ZW10: variants seen among roughly 807,000 people sequenced by gnomAD.
The protein encoded by ZW10 is centromere/kinetochore protein zw10 homolog.
In ZW10, 53 loss-of-function variants were observed where a neutral mutation model predicts 87.8. That is an observed-to-expected ratio of 0.60 (90% CI 0.48 to 0.76). The LOEUF (loss-of-function observed/expected upper bound fraction) is 0.76. ZW10 is among the 30% of genes least tolerant of loss of function. The pLI is 0.00. For synonymous variants in ZW10, 312 were observed against 329.2 expected, an observed-to-expected ratio of 0.95 and a Z score of 0.57; for missense variants, 837 against 923.0, an observed-to-expected ratio of 0.91 and a Z score of 1.21.
At position 113,741,363 on chromosome 11, in the gene ZW10, A is replaced by T. The variant is rs59473232; in HGVS notation, c.1583+331T>A. 1.0e-3 allele frequency among the ~76,000 whole-genome samples: 156 copies of T among 152,330 alleles called. 1 individual carries two copies. Among genetic ancestry groups the T allele is most frequent in the African/African-American group, 3.6e-3 (151 of 41,570 alleles). On this transcript the variant is annotated intron_variant, in intron 11 of 15. Coordinates refer to ENST00000200135, the MANE Select transcript of ZW10 (RefSeq NM_004724.4). ...TCAAAGATATTTATGAAAAACATCTAAACATTTTAATTCAAATAAAGAAAA... is the reference window on the plus strand; with the variant it reads ...TCAAAGATATTTATGAAAAACATCTTAACATTTTAATTCAAATAAAGAAAA...
intron 15 of ZW10, among the ~76,000 whole-genome samples, chr11:113,734,242 C>T (rs192401469): frequency 8.5e-5 from 13 of 152,072 alleles, no homozygotes; most frequent in East Asian, 1.9e-4. Flanking sequence ...ATTAGAATAA[C>T]GGGCAAAAAA....
intron 7 of ZW10, 113 bp from the exon 8 acceptor site, chr11:113,748,533 G>A (rs1953704369): frequency 3.5e-6 from 3 of 861,448 alleles, no homozygotes; most frequent in Non-Finnish European, 5.2e-6. Flanking sequence ...AAACAGCACA[G>A]ATAATTCCAC....
chr11:113,737,472 T>C, intron 14 of ZW10, 100 bp downstream of exon 14: 5 of 1,229,790 alleles, frequency 4.1e-6, no homozygotes, highest in South Asian at 2.3e-5. Flanking sequence ...GAGTTAGACA[T>C]GAAACATGAA....
intron 7 of ZW10, among the ~76,000 whole-genome samples, chr11:113,750,390 G>A (rs1186540280): frequency 6.6e-6 from 1 of 151,298 alleles, no homozygotes; most frequent in African/African-American, 2.4e-5. Context: ...TGCAACCTCC[G>A]CCTCCTGGGT....
rs1362126341 is a variant in ZW10 at position 113,743,809 on chromosome 11, C to A, written c.1504G>T (p.Asp502Tyr). Residue 502 changes from aspartate (D) to tyrosine (Y), a missense_variant, in exon 10 of 16, where the codon GAT becomes TAT. Transcript: ENST00000200135. Reference sequence around the variant, plus strand: ...ACAACCCAGAATTCGTACCATTGATCACTACTGGTTGTTGCCTCTAGTAAA... The same window carrying A: ...ACAACCCAGAATTCGTACCATTGATAACTACTGGTTGTTGCCTCTAGTAAA... Reference protein sequence around the residue: ...QTLLEATTSSDQCAVQLFYSV... With the variant: ...QTLLEATTSSYQCAVQLFYSV... 2 of 1,612,480 alleles carry A rather than the reference C, an allele frequency of 1.2e-6. No homozygotes were observed. The highest frequency in any genetic ancestry group is 3.3e-5 in the Admixed American group (2 of 59,998).
At chr11:113,773,314 C>T (rs1937662908) in intron 1 of ZW10, among the ~76,000 whole-genome samples, 1 of 152,044 alleles carries the variant, frequency 6.6e-6, no homozygotes, top group South Asian at 2.1e-4. Context: ...TTCGTCCCCA[C>T]AGTCCCAGGT....
intron 1 of ZW10, among the ~76,000 whole-genome samples, chr11:113,773,255 C>A (rs1353521150): frequency 6.6e-6 from 1 of 151,884 alleles, no homozygotes; most frequent in Admixed American, 6.6e-5. Flanking sequence ...CCGCGGCACA[C>A]CCCTCCCCAA....
chr11:113,754,214 A>T (rs1330294917), intron 7 of ZW10, among the ~76,000 whole-genome samples: 1 of 152,142 alleles, frequency 6.6e-6, no homozygotes, highest in Admixed American at 6.6e-5. Context: ...GCCGGGTGCG[A>T]TGGCTCACAC....
chr11:113,743,832 A>G lies in ZW10; in HGVS notation c.1481T>C (p.Leu494Ser), dbSNP rs758925071. 1 of 1,614,170 alleles carries G rather than the reference A, an allele frequency of 6.2e-7. No individual in the cohort carries two copies. Among genetic ancestry groups the G allele is most frequent in the East Asian group, 2.2e-5 (1 of 44,868 alleles). ...ATCACTACTGGTTGTTGCCTCTAGT[A>G]AAGTCTGATAGGCGAGTTCCATTAA... is the stretch of plus-strand genomic sequence containing the variant. ...KKLMELAYQT[L>S]LEATTSSDQC... Residue 494 changes from leucine (L) to serine (S), a missense_variant, in exon 10 of 16, where the codon TTA becomes TCA. Coordinates refer to ENST00000200135, the MANE Select transcript of ZW10 (RefSeq NM_004724.4).
chr11:113,754,676 C>T (rs1199307272), intron 7 of ZW10, among the ~76,000 whole-genome samples: 1 of 152,234 alleles, frequency 6.6e-6, no homozygotes, highest in Non-Finnish European at 1.5e-5. Flanking sequence ...AACGTGAACA[C>T]AGCTCACTGC....
intron 9 of ZW10, 148 bp downstream of exon 9, chr11:113,747,383 A>G (rs1006516498): frequency 4.6e-6 from 3 of 655,160 alleles, no homozygotes; most frequent in Non-Finnish European, 7.5e-6. Flanking sequence ...GGACCACTTT[A>G]AAGGAGACAA....
intron 10 of ZW10, among the ~76,000 whole-genome samples, chr11:113,742,722 A>C (rs564251688): frequency 6.6e-6 from 1 of 152,320 alleles, no homozygotes; most frequent in African/African-American, 2.4e-5. Context: ...GTGAAGAAAC[A>C]GTCCTATATT....
At chr11:113,734,827 CA>C (rs1287884212) in intron 15 of ZW10, among the ~76,000 whole-genome samples, 1 of 151,116 alleles carries the variant, frequency 6.6e-6, no homozygotes, top group Non-Finnish European at 1.5e-5. Context: ...GAATAGATTT[CA>C]AAAACATAAT....
chr11:113,760,078 T>G, intron 5 of ZW10, 131 bp downstream of exon 5: 1 of 1,128,348 alleles, frequency 8.9e-7, no homozygotes, highest in East Asian at 2.6e-5. Context: ...CTTGCTAACA[T>G]GAGTGCTCAA....
intron 11 of ZW10, among the ~76,000 whole-genome samples, chr11:113,741,106 T>C (rs964027884): frequency 2.3e-5 from 3 of 130,048 alleles, no homozygotes; most frequent in Non-Finnish European, 5.6e-5. Context: ...AAAAATACTT[T>C]AAATAGTAAA....
rs1258702983 is a variant in ZW10, at chr11:113,741,683, G to C, written c.1583+11C>G. ...AATTATTATATAGAAATGAGATACA[G>C]TGGTACTTACTTGTGATATGTTGGT... On this transcript the variant is annotated intron_variant, in intron 11 of 15. Coordinates refer to ENST00000200135, the MANE Select transcript of ZW10 (RefSeq NM_004724.4). 1 of 1,558,792 alleles carries C rather than the reference G, an allele frequency of 6.4e-7. No individual in the cohort carries two copies. The highest frequency in any genetic ancestry group is 8.7e-7 in the Non-Finnish European group (1 of 1,143,830).
chr11:113,762,567 G>T (rs567569454), intron 2 of ZW10, among the ~76,000 whole-genome samples: 2 of 151,020 alleles, frequency 1.3e-5, no homozygotes, highest in African/African-American at 4.9e-5. Flanking sequence ...CACCCAGCTG[G>T]AGTGCAGTGG....
intron 2 of ZW10, among the ~76,000 whole-genome samples, chr11:113,761,516 A>G (rs1263507871): frequency 6.6e-6 from 1 of 152,092 alleles, no homozygotes; most frequent in East Asian, 1.9e-4. Flanking sequence ...CCTGGACTCA[A>G]GCGATCTGCC....
chr11:113,734,091 AATG>A (rs2134861304), intron 15 of ZW10, among the ~76,000 whole-genome samples: 1 of 152,292 alleles, frequency 6.6e-6, no homozygotes, highest in South Asian at 2.1e-4. Context: ...TTGAACTAAT[AATG>A]ATGACCATAC....
Sources: allele counts gnomAD v4.1 joint callset (sites outside exome capture counted in the v4.1 genomes callset), GRCh38; gene constraint gnomAD v4.1.1; transcripts MANE v1.5; gene names NCBI Gene and HGNC (gene_info 2026-07-23, HGNC 2026-07-21).